Variants in PODXL observed in about 807,000 individuals in gnomAD.
The protein encoded by PODXL is podocalyxin.
Under a neutral mutation model 48.9 loss-of-function variants are expected in PODXL, and 20 were observed. The ratio of observed to expected loss-of-function variants is 0.41; its 90% CI spans 0.29 to 0.59. The LOEUF (loss-of-function observed/expected upper bound fraction) is 0.59, where lower values mean the gene tolerates loss of function less well. Among genes scored for constraint, PODXL ranks in the 20% least tolerant of loss-of-function variants. The pLI, the probability that PODXL is intolerant of heterozygous loss-of-function variation, is 0.31. For missense variants in PODXL, 606 were observed against 675.1 expected, an observed-to-expected ratio of 0.90 and a Z score of 1.13; for synonymous variants, 295 against 287.4, an observed-to-expected ratio of 1.03 and a Z score of -0.27.
chr7:131,532,260 C>T (rs1350988039), intron 1 of PODXL, among the ~76,000 whole-genome samples: 1 of 149,738 alleles, frequency 6.7e-6, no homozygotes, highest in Non-Finnish European at 1.5e-5. Context: ...ACGGTGAAAC[C>T]CCGTCTCTAT....
At chr7:131,546,818 A>G (rs1241535123) in intron 1 of PODXL, among the ~76,000 whole-genome samples, 1 of 151,400 alleles carries the variant, frequency 6.6e-6, no homozygotes, top group African/African-American at 2.4e-5. Context: ...GAGGAGCACC[A>G]GGCAGGAATA....
chr7:131,556,380 G>T lies in PODXL; in HGVS notation c.-21C>A. On this transcript the variant is annotated 5_prime_UTR_variant, in exon 1 of 9. Transcript: ENST00000378555. ...CGCATCGTGTCGTCGCCTCTGGGCC[G>T]GGAGCAGGTGGCTGCGGTGCCGGCG... 1 of 1,361,870 alleles carries T rather than the reference G, an allele frequency of 7.3e-7. No individual in the cohort carries two copies. Among genetic ancestry groups the T allele is most frequent in the South Asian group, 2.0e-5 (1 of 51,194 alleles). 84.4% of individuals were successfully genotyped at this position (1,361,870 alleles called of 1,614,324 possible). A position where few individuals can be genotyped will look rare whatever the true frequency, so the allele number is the denominator to read the frequency against.
intron 1 of PODXL, among the ~76,000 whole-genome samples, chr7:131,531,035 G>A (rs1314002821): frequency 2.0e-5 from 3 of 152,066 alleles, no homozygotes; most frequent in Non-Finnish European, 2.9e-5. Flanking sequence ...TCCAGTCTGG[G>A]CAACAAGAGC....
rs1458288337 is a variant in PODXL, at chr7:131,511,204, T to G, written c.330A>C (p.Gly110=). 5 of 1,613,948 alleles carry G rather than the reference T, an allele frequency of 3.1e-6. No individual in the cohort carries two copies. The highest frequency in any genetic ancestry group is 1.3e-5 in the African/African-American group (1 of 74,888). The change falls in exon 2 of 9, where the codon GGA becomes GGC. Residue 110 remains glycine (G), a synonymous_variant. Transcript: ENST00000378555. ...SGPVNTTVAR[G]GGSGNPTTTI... ...TGGTAGTAGGGTTGCCTGAGCCGCCTCCTCTAGCCACGGTAGTGTTGACTG... is the reference window on the plus strand; with the variant it reads ...TGGTAGTAGGGTTGCCTGAGCCGCCGCCTCTAGCCACGGTAGTGTTGACTG...
intron 1 of PODXL, among the ~76,000 whole-genome samples, chr7:131,515,343 G>A (rs535691314): frequency 1.3e-3 from 192 of 152,248 alleles, no homozygotes; most frequent in African/African-American, 4.3e-3. Context: ...GTGAGTTGCC[G>A]AATTAGGGTG....
At chr7:131,551,572 G>A (rs1798667350) in intron 1 of PODXL, among the ~76,000 whole-genome samples, 1 of 152,218 alleles carries the variant, frequency 6.6e-6, no homozygotes, top group Non-Finnish European at 1.5e-5. Flanking sequence ...TCCTGGAATA[G>A]GGGTCATCTA....
chr7:131,514,712 G>A (rs1380901623), intron 1 of PODXL, among the ~76,000 whole-genome samples: 1 of 151,904 alleles, frequency 6.6e-6, no homozygotes, highest in African/African-American at 2.4e-5. Flanking sequence ...GGCTCAATCA[G>A]TCCTCCCACC....
At chr7:131,536,811 A>G (rs1798382355) in intron 1 of PODXL, among the ~76,000 whole-genome samples, 1 of 152,274 alleles carries the variant, frequency 6.6e-6, no homozygotes, top group African/African-American at 2.4e-5. Flanking sequence ...ATGTTTCACT[A>G]AAGAATTACA....
At chr7:131,550,164 A>C (rs956007392) in intron 1 of PODXL, among the ~76,000 whole-genome samples, 4 of 152,256 alleles carry the variant, frequency 2.6e-5, no homozygotes. Flanking sequence ...GTCCTCAGCC[A>C]GTGGGCCAGT....
At position 131,510,963 on chromosome 7, in the gene PODXL, G is replaced by T; in HGVS notation, c.571C>A (p.Gln191Lys). The T allele has an allele frequency of 1.9e-6, 3 of 1,614,174 alleles. No individual in the cohort carries two copies. The highest frequency in any genetic ancestry group is 2.5e-6 in the Non-Finnish European group (3 of 1,180,034). ...PHPTSPLSPR[Q>K]PTSTHPVATP... is the part of the protein sequence containing the mutation. ...GCCACAGGATGCGTCGAAGTGGGTTGTCGGGGGCTAAGTGGACTTGTAGGG... is the reference window on the plus strand; with the variant it reads ...GCCACAGGATGCGTCGAAGTGGGTTTTCGGGGGCTAAGTGGACTTGTAGGG... Residue 191 changes from glutamine to lysine, a missense_variant, in exon 2 of 9, where the codon CAA (glutamine) becomes AAA (lysine). Physicochemically the swap from Gln to Lys is moderately conservative, Grantham distance 53. Coordinates refer to ENST00000378555, the MANE Select transcript of PODXL (RefSeq NM_001018111.3).
rs1322226963 is a variant in PODXL at position 131,503,199 on chromosome 7, C to G, written c.*1112G>C. 2.0e-5 allele frequency: 3 copies of G among 152,660 alleles called. No individual in the cohort carries two copies. Among genetic ancestry groups the G allele is most frequent in the African/African-American group, 7.2e-5 (3 of 41,442 alleles). 9.5% of individuals were successfully genotyped at this position (152,660 alleles called of 1,614,324 possible). On this transcript the variant is annotated 3_prime_UTR_variant, in exon 9 of 9. Transcript: ENST00000378555. ...TATGATATACAGGGGAAAGCCTGTC[C>G]TTCCTGGCTGCTTTAATGGATTGTC...
intron 1 of PODXL, among the ~76,000 whole-genome samples, chr7:131,540,474 T>A (rs1057106821): frequency 6.6e-6 from 1 of 151,048 alleles, no homozygotes; most frequent in Non-Finnish European, 1.5e-5. Context: ...CGCCCCCCAA[T>A]ACCCATCACA....
At chr7:131,550,800 C>T (rs760577082) in intron 1 of PODXL, among the ~76,000 whole-genome samples, 3 of 151,290 alleles carry the variant, frequency 2.0e-5, no homozygotes, top group South Asian at 2.1e-4. Context: ...CACACACACA[C>T]GCACACACAC....
intron 1 of PODXL, among the ~76,000 whole-genome samples, chr7:131,518,214 T>C (rs1469847633): frequency 1.3e-5 from 2 of 152,182 alleles, no homozygotes; most frequent in Non-Finnish European, 2.9e-5. Flanking sequence ...GCGGGGGGAA[T>C]GCCATTCGCT....
chr7:131,530,219 G>T (rs967648285), intron 1 of PODXL, among the ~76,000 whole-genome samples: 2 of 144,962 alleles, frequency 1.4e-5, no homozygotes, highest in South Asian at 4.4e-4. Context: ...TTGTACACTG[G>T]CCTTTTTATT....
intron 1 of PODXL, among the ~76,000 whole-genome samples, chr7:131,530,876 T>C (rs1003813007): frequency 1.3e-5 from 2 of 151,182 alleles, no homozygotes; most frequent in South Asian, 2.1e-4. Context: ...CTGACCAACA[T>C]GGAGAAACCC....
chr7:131,529,341 G>A (rs1798236264), intron 1 of PODXL, among the ~76,000 whole-genome samples: 1 of 152,140 alleles, frequency 6.6e-6, no homozygotes, highest in African/African-American at 2.4e-5. Flanking sequence ...AGTGGGAGGA[G>A]AAGACAGACT....
At chr7:131,534,945 A>G (rs1233797842) in intron 1 of PODXL, among the ~76,000 whole-genome samples, 1 of 152,114 alleles carries the variant, frequency 6.6e-6, no homozygotes, top group East Asian at 1.9e-4. Context: ...CTAGCTACTC[A>G]GGAGGCTGAG....
At chr7:131,541,515 ATC>A (rs992957713) in intron 1 of PODXL, among the ~76,000 whole-genome samples, 30 of 151,960 alleles carry the variant, frequency 2.0e-4, no homozygotes, top group African/African-American at 6.8e-4. Flanking sequence ...GTGAAACCCC[ATC>A]TCTACTAAAA....
Sources: gnomAD v4.1 joint callset for allele counts (sites outside exome capture counted in the v4.1 genomes callset) on GRCh38, gnomAD v4.1.1 for gene constraint, MANE v1.5 for transcripts, NCBI Gene and HGNC (gene_info 2026-07-23, HGNC 2026-07-21) for gene names.